The following PIGN variants were observed in gnomAD, a reference collection of about 807,000 sequenced individuals.
PIGN encodes the protein phosphatidylinositol glycan anchor biosynthesis class N.
PIGN carries 117 observed loss-of-function variants against 125.4 expected under a neutral mutation model. The ratio of observed to expected loss-of-function variants is 0.93; its 90% CI spans 0.80 to 1.09. The LOEUF (loss-of-function observed/expected upper bound fraction) is 1.09. Ranked by LOEUF, PIGN falls within the 50% of genes least tolerant of loss-of-function variation. The pLI, the probability that PIGN is intolerant of heterozygous loss-of-function variation, is 0.00. For synonymous variants in PIGN, 392 were observed against 377.8 expected (o/e 1.04, Z -0.44); for missense variants, 1,075 against 1,094.9 (o/e 0.98, Z 0.26).
At chr18:62,024,510 G>T (rs9963675) in intron 23 of PIGN, among the ~76,000 whole-genome samples, 1 of 152,040 alleles carries the variant, frequency 6.6e-6, no homozygotes, top group Non-Finnish European at 1.5e-5. Flanking sequence ...CTTAACCCTG[G>T]TTCTCCTCTT....
At chr18:62,049,955 G>T (rs1379166867) in intron 30 of PIGN, among the ~76,000 whole-genome samples, 1 of 149,772 alleles carries the variant, frequency 6.7e-6, no homozygotes, top group African/African-American at 2.4e-5. Flanking sequence ...ATTAAATAGG[G>T]AATCCTTTCC....
chr18:62,072,469 C>A (rs1810818906), intron 30 of PIGN: 3 of 406,132 alleles, frequency 7.4e-6, no homozygotes, highest in African/African-American at 6.2e-5. Flanking sequence ...CAATTGCCTA[C>A]AGTATTCAGT....
At chr18:62,117,370 G>A (rs181210239) in intron 14 of PIGN, among the ~76,000 whole-genome samples, 2 of 152,136 alleles carry the variant, frequency 1.3e-5, no homozygotes, top group African/African-American at 4.8e-5. Flanking sequence ...ATAAATGGGG[G>A]TTGGCAGAGG....
chr18:62,049,803 G>C (rs1222315977), intron 30 of PIGN, among the ~76,000 whole-genome samples: 1 of 151,608 alleles, frequency 6.6e-6, no homozygotes, highest in Admixed American at 6.6e-5. Context: ...GTAATGCCTA[G>C]GTTTTCTTCT....
intron 14 of PIGN, among the ~76,000 whole-genome samples, chr18:62,130,443 T>C (rs1168720338): frequency 3.9e-5 from 6 of 152,136 alleles, no homozygotes; most frequent in Non-Finnish European, 7.4e-5. Context: ...ACATTCTACA[T>C]AGTAATTTGT....
chr18:62,068,172 GCACT>G (rs1263809315), intron 30 of PIGN, among the ~76,000 whole-genome samples: 1 of 152,146 alleles, frequency 6.6e-6, no homozygotes, highest in Non-Finnish European at 1.5e-5. Flanking sequence ...AATGCCTGTA[GCACT>G]TTCTCCATGG....
At chr18:62,036,452 G>T (rs759359422), downstream of PIGN, among the ~76,000 whole-genome samples, 1 of 152,156 alleles carries the variant, frequency 6.6e-6, no homozygotes, top group Non-Finnish European at 1.5e-5. Context: ...GGTAAAAAAG[G>T]AGAGTGGATA....
At chr18:62,145,042 A>G (rs12326173) in intron 10 of PIGN, among the ~76,000 whole-genome samples, 57,272 of 149,576 alleles carry the variant, frequency 0.38, 11,352 homozygotes, top group Middle Eastern at 0.46. Context: ...AAAGGAGCCC[A>G]GTCCTACCTC....
At chr18:62,131,033 A>G (rs982548443) in intron 14 of PIGN, among the ~76,000 whole-genome samples, 4 of 152,176 alleles carry the variant, frequency 2.6e-5, no homozygotes, top group Non-Finnish European at 5.9e-5. Context: ...GTTTTGAAGC[A>G]GAAAATTATG....
chr18:62,036,718 G>T (rs1445951705), downstream of PIGN, among the ~76,000 whole-genome samples: 1 of 152,118 alleles, frequency 6.6e-6, no homozygotes, highest in Non-Finnish European at 1.5e-5. Flanking sequence ...CATTTCAGGA[G>T]GAGCATATTA....
chr18:62,134,477 A>C (rs1387169689), intron 14 of PIGN, among the ~76,000 whole-genome samples: 1 of 152,172 alleles, frequency 6.6e-6, no homozygotes, highest in Non-Finnish European at 1.5e-5. Flanking sequence ...TATTTCATGA[A>C]GACAATAGCA....
intron 23 of PIGN, among the ~76,000 whole-genome samples, chr18:62,025,490 G>A (rs140278829): frequency 3.9e-5 from 6 of 152,300 alleles, no homozygotes; most frequent in Non-Finnish European, 5.9e-5. Context: ...CATAATGAGA[G>A]AGGCAAATAG....
At chr18:62,170,885 G>A (rs1159575929) in intron 1 of PIGN, among the ~76,000 whole-genome samples, 1 of 152,212 alleles carries the variant, frequency 6.6e-6, no homozygotes, top group African/African-American at 2.4e-5. Context: ...CTGATATGAA[G>A]AAAATTTGAG....
At position 62,090,566 on chromosome 18, in the gene PIGN, G is replaced by T; in HGVS notation, c.2193C>A (p.Leu731=). Residue 731 remains leucine (L), a synonymous_variant, in exon 24 of 31, where the codon CTC becomes CTA. Coordinates refer to ENST00000640252, the MANE Select transcript of PIGN (RefSeq NM_176787.5). ...TCAAACAAGACAACACTAGTGGAAA[G>T]AGAGCTTCATACCTAACAGGTGGGG... The part of the protein sequence containing the change: ...YLLLSTGYEA[L]FPLVLSCLMF... The T allele has an allele frequency of 6.2e-7, 1 of 1,601,660 alleles. No individual in the cohort carries two copies. The highest frequency in any genetic ancestry group is 8.5e-7 in the Non-Finnish European group (1 of 1,169,952).
At chr18:62,086,837 T>C (rs573171414) in intron 25 of PIGN, among the ~76,000 whole-genome samples, 20 of 152,172 alleles carry the variant, frequency 1.3e-4, no homozygotes, top group Non-Finnish European at 2.2e-4. Flanking sequence ...AATGAAGATC[T>C]AGAGTGAAGG....
chr18:62,106,259 T>C lies in PIGN; in HGVS notation c.1767+530A>G, dbSNP rs548730018. On this transcript the variant is annotated intron_variant, in intron 19 of 30. Coordinates refer to ENST00000640252, the MANE Select transcript of PIGN (RefSeq NM_176787.5). ...TTCCTGCTACTTCTATCAAAAAGTA[T>C]CAAAGTGGAAATATAAGTGCATTCT... 2.0e-5 allele frequency among the ~76,000 whole-genome samples: 3 copies of C among 152,234 alleles called. No individual in the cohort carries two copies. In the East Asian group the frequency reaches 5.8e-4, roughly 29 times the overall value.
At chr18:62,164,684 A>G (rs2037069564) in intron 1 of PIGN, among the ~76,000 whole-genome samples, 1 of 152,190 alleles carries the variant, frequency 6.6e-6, no homozygotes, top group Non-Finnish European at 1.5e-5. Flanking sequence ...CGCAGAGCCA[A>G]ACCATATCAC....
chr18:62,144,198 A>C (rs1309726617), intron 10 of PIGN, among the ~76,000 whole-genome samples: 1 of 152,238 alleles, frequency 6.6e-6, no homozygotes, highest in East Asian at 1.9e-4. Flanking sequence ...TCAATTCAAC[A>C]TGAAATCAAA....
chr18:62,046,407 G>A (rs1334629118), intron 30 of PIGN, among the ~76,000 whole-genome samples: 4 of 151,490 alleles, frequency 2.6e-5, no homozygotes, highest in South Asian at 2.1e-4. Context: ...CCCGAGCTCC[G>A]CCTCCTGTCA....
Sources: allele counts gnomAD v4.1 joint callset (sites outside exome capture counted in the v4.1 genomes callset), GRCh38; gene constraint gnomAD v4.1.1; transcripts MANE v1.5; gene names NCBI Gene and HGNC (gene_info 2026-07-23, HGNC 2026-07-21).